Variants in SULF1 observed in about 807,000 individuals in gnomAD.
SULF1 encodes the protein extracellular sulfatase Sulf-1.
Under a neutral mutation model 110.5 loss-of-function variants are expected in SULF1, and 46 were observed. The observed-to-expected ratio is 0.42, with a 90% CI of 0.33 to 0.53. The LOEUF (loss-of-function observed/expected upper bound fraction) is 0.53. Among genes scored for constraint, SULF1 ranks in the 20% least tolerant of loss-of-function variants. SULF1 has a pLI of 0.12. For synonymous variants in SULF1, 371 were observed against 387.1 expected, an observed-to-expected ratio of 0.96 and a Z score of 0.49; for missense variants, 941 against 1,094.2, an observed-to-expected ratio of 0.86 and a Z score of 1.98.
intron 22 of SULF1, among the ~76,000 whole-genome samples, chr8:69,641,958 T>C (rs2130691509): frequency 6.6e-6 from 1 of 152,154 alleles, no homozygotes; most frequent in South Asian, 2.1e-4. Context: ...GCTAATTTTC[T>C]ACTCTGAGCA....
chr8:69,616,708 T>C (rs1394810254), intron 13 of SULF1, among the ~76,000 whole-genome samples: 2 of 149,880 alleles, frequency 1.3e-5, no homozygotes, highest in African/African-American at 4.9e-5. Context: ...GGCCGTTTTT[T>C]TTTTTTTTTT....
In SULF1 at chr8:69,660,685, C is replaced by A. The variant is rs895464435; in HGVS notation, c.*2150C>A. On this transcript the variant is annotated 3_prime_UTR_variant, in exon 23 of 23. Coordinates refer to ENST00000402687, the MANE Select transcript of SULF1 (RefSeq NM_001128205.2). ...TTAAATCTTTATCATAGACTCTGTACATATGTTCAAATTAGCTGCTTGCCT... is the reference window on the plus strand; with the variant it reads ...TTAAATCTTTATCATAGACTCTGTAAATATGTTCAAATTAGCTGCTTGCCT... 2 of 152,556 alleles carry A rather than the reference C, an allele frequency of 1.3e-5. No homozygotes were observed. The highest frequency in any genetic ancestry group is 4.8e-5 in the African/African-American group (2 of 41,438). 9.5% of individuals were successfully genotyped at this position (152,556 alleles called of 1,614,324 possible).
intron 3 of SULF1, among the ~76,000 whole-genome samples, chr8:69,507,224 T>C (rs375676449): frequency 5.3e-5 from 8 of 152,340 alleles, no homozygotes; most frequent in African/African-American, 1.7e-4. Context: ...GGTTCCTTTT[T>C]TGCAGGATAA....
intron 3 of SULF1, among the ~76,000 whole-genome samples, chr8:69,520,823 G>T (rs530823815): frequency 6.6e-6 from 1 of 152,238 alleles, no homozygotes; most frequent in South Asian, 2.1e-4. Context: ...TGAGAGCCAG[G>T]TTTACATGAA....
intron 22 of SULF1, among the ~76,000 whole-genome samples, chr8:69,643,427 A>C (rs1486819710): frequency 2.0e-5 from 3 of 152,180 alleles, no homozygotes; most frequent in Non-Finnish European, 4.4e-5. Flanking sequence ...AAAAAAAAAA[A>C]ACAAGTTTTT....
At position 69,555,297 on chromosome 8, in the gene SULF1, C is replaced by G. The variant is rs187085687; in HGVS notation, c.-133-8242C>G. On this transcript the variant is annotated intron_variant, in intron 3 of 22. Coordinates refer to ENST00000402687, the MANE Select transcript of SULF1 (RefSeq NM_001128205.2). Reference sequence around the variant, plus strand: ...GGAGGAAGGAACTTGTTTCCCCACTCTGCTGTGTTTAGCCCTGCAAAGAAG... The same window carrying G: ...GGAGGAAGGAACTTGTTTCCCCACTGTGCTGTGTTTAGCCCTGCAAAGAAG... 8.0e-4 allele frequency among the ~76,000 whole-genome samples: 122 copies of G among 152,296 alleles called. 1 individual carries two copies. Among genetic ancestry groups the G allele is most frequent in the African/African-American group, 2.8e-3 (118 of 41,570 alleles).
At position 69,576,016 on chromosome 8, in the gene SULF1, G is replaced by C. The variant is rs141505559; in HGVS notation, c.219G>C (p.Gly73=). ...AAACGAGAAAGATTATGGAACATGG[G>C]GGGGCCACCTTCATCAATGCCTTTG... ...MNKTRKIMEH[G]GATFINAFVT... The change falls in exon 6 of 23, where the codon GGG becomes GGC. Residue 73 remains glycine (G), a synonymous_variant. Coordinates refer to ENST00000402687, the MANE Select transcript of SULF1 (RefSeq NM_001128205.2). 8.1e-6 allele frequency: 13 copies of C among 1,613,942 alleles called. No homozygotes were observed. Among genetic ancestry groups the C allele is most frequent in the Admixed American group, 3.3e-5 (2 of 59,998 alleles).
At chr8:69,483,568 A>G (rs7820978) in intron 1 of SULF1, among the ~76,000 whole-genome samples, 3,285 of 152,266 alleles carry the variant, frequency 0.022, 117 homozygotes, top group African/African-American at 0.075. Context: ...ATGCCTTTTT[A>G]TACTCCTACT....
chr8:69,631,135 C>A (rs1810509009), intron 19 of SULF1, among the ~76,000 whole-genome samples: 1 of 152,122 alleles, frequency 6.6e-6, no homozygotes, highest in South Asian at 2.1e-4. Context: ...GGAGCGTGTT[C>A]CAGGCAGAGG....
At chr8:69,489,406 C>T (rs1313166358), upstream of SULF1, among the ~76,000 whole-genome samples, 1 of 151,916 alleles carries the variant, frequency 6.6e-6, no homozygotes, top group African/African-American at 2.4e-5. Context: ...GTAGGAGAGC[C>T]CTAAATCATC....
chr8:69,534,788 A>G (rs1563506710), intron 3 of SULF1, among the ~76,000 whole-genome samples: 1 of 152,168 alleles, frequency 6.6e-6, no homozygotes, highest in African/African-American at 2.4e-5. Context: ...ACATTGATAC[A>G]ACTGACGTCA....
At chr8:69,656,004 C>G (rs1169451012) in intron 22 of SULF1, among the ~76,000 whole-genome samples, 4 of 152,200 alleles carry the variant, frequency 2.6e-5, no homozygotes, top group Non-Finnish European at 5.9e-5. Context: ...GAGTCACAGC[C>G]TCTGGAAGAT....
In SULF1 at chr8:69,658,873, C is replaced by T; in HGVS notation, c.*338C>T. 1 of 519,158 alleles carries T rather than the reference C, an allele frequency of 1.9e-6. No individual in the cohort carries two copies. The allele number at this position is 519,158 out of a possible 1,614,324, so 32.2% of individuals were successfully genotyped here. On this transcript the variant is annotated 3_prime_UTR_variant, in exon 23 of 23. Transcript: ENST00000402687. ...CTTGCCAGCTGACCTTCAAACCCTG[C>T]ATTTGAACCGACCAACATTAAGTCC...
At chr8:69,489,336 T>C (rs556147638), upstream of SULF1, among the ~76,000 whole-genome samples, 1 of 152,112 alleles carries the variant, frequency 6.6e-6, no homozygotes, top group Non-Finnish European at 1.5e-5. Context: ...GACCATGTAA[T>C]TAGCTAAATG....
chr8:69,512,702 T>C (rs887503427), intron 3 of SULF1, among the ~76,000 whole-genome samples: 2 of 152,100 alleles, frequency 1.3e-5, no homozygotes, highest in African/African-American at 4.8e-5. Flanking sequence ...GCACGAGTGT[T>C]CTTTCCTCCT....
chr8:69,588,258 A>G (rs530362358), intron 7 of SULF1, among the ~76,000 whole-genome samples: 121 of 152,298 alleles, frequency 7.9e-4, no homozygotes, highest in Middle Eastern at 3.4e-3. Flanking sequence ...TTAGCAAGTC[A>G]GGCTCTAATC....
In SULF1 at chr8:69,629,578, A is replaced by C; in HGVS notation, c.2183A>C (p.Lys728Thr). 1 of 1,614,102 alleles carries C rather than the reference A, an allele frequency of 6.2e-7. No individual in the cohort carries two copies. Among genetic ancestry groups the C allele is most frequent in the Non-Finnish European group, 8.5e-7 (1 of 1,179,960 alleles). Reference sequence around the variant, plus strand: ...AACCGTAGGAGGAAGAAGGAGAGGAAGGAGAAGAGACGGCAGAGGAAGGGG... The same window carrying C: ...AACCGTAGGAGGAAGAAGGAGAGGACGGAGAAGAGACGGCAGAGGAAGGGG... ...ENNRRRKKER[K>T]EKRRQRKGEE... Residue 728 changes from lysine to threonine, a missense_variant, in exon 19 of 23, where the codon AAG (lysine) becomes ACG (threonine). Transcript: ENST00000402687.
At chr8:69,627,135 TTC>T in intron 15 of SULF1, 73 bp from the exon 16 acceptor site, 2 of 1,147,910 alleles carry the variant, frequency 1.7e-6, no homozygotes. Context: ...GGATTAAAAT[TTC>T]TCTTTGTTAT....
intron 8 of SULF1, among the ~76,000 whole-genome samples, chr8:69,591,876 C>T (rs955717222): frequency 2.6e-5 from 4 of 152,118 alleles, no homozygotes; most frequent in Admixed American, 6.5e-5. Context: ...ACAGCCAAGT[C>T]GAGTAGTTGT....
Sources: gnomAD v4.1 joint callset for allele counts (sites outside exome capture counted in the v4.1 genomes callset) on GRCh38, gnomAD v4.1.1 for gene constraint, MANE v1.5 for transcripts, NCBI Gene and HGNC (gene_info 2026-07-23, HGNC 2026-07-21) for gene names.